The following ULK4 variants were observed in gnomAD, a reference collection of about 807,000 sequenced individuals.
The protein encoded by ULK4 is unc-51 like kinase 4, also known as inactive serine/threonine-protein kinase ULK4.
A neutral mutation model predicts 160.6 loss-of-function variants in ULK4; 133 were observed. The ratio of observed to expected loss-of-function variants is 0.83; its 90% confidence interval spans 0.72 to 0.96. The LOEUF (loss-of-function observed/expected upper bound fraction) is 0.96. Ranked by LOEUF, ULK4 falls within the 40% of genes least tolerant of loss-of-function variation. ULK4 has a pLI of 0.00. For synonymous variants in ULK4, 534 were observed against 539.8 expected (o/e 0.99, Z 0.15); for missense variants, 1,580 against 1,499.5 (o/e 1.05, Z -0.89).
chr3:41,503,247 C>T (rs1189677491), intron 32 of ULK4, among the ~76,000 whole-genome samples: 1 of 152,172 alleles, frequency 6.6e-6, no homozygotes, highest in Admixed American at 6.5e-5. Context: ...AGGCTTTTCT[C>T]GGCAAACCAA....
chr3:41,538,641 A>G (rs558225266), intron 32 of ULK4, among the ~76,000 whole-genome samples: 1 of 152,298 alleles, frequency 6.6e-6, no homozygotes, highest in Non-Finnish European at 1.5e-5. Context: ...AGAACTGCTC[A>G]TGGGGAGATG....
At chr3:41,532,215 T>G (rs181195731) in intron 32 of ULK4, among the ~76,000 whole-genome samples, 1 of 152,332 alleles carries the variant, frequency 6.6e-6, no homozygotes, top group African/African-American at 2.4e-5. Context: ...CTACAGGCTA[T>G]TCCACTGATA....
chr3:41,566,164 C>A (rs778462009), intron 31 of ULK4, 34 bp from the exon 32 acceptor site: 1 of 1,547,480 alleles, frequency 6.5e-7, no homozygotes, highest in South Asian at 1.1e-5. Context: ...CATAACCATA[C>A]AGAAATACAA....
chr3:41,431,131 C>T lies in ULK4; in HGVS notation c.3492+24366G>A, dbSNP rs59138923. ...TTGGGTGGCGGAGGCAGGCTGATCA[C>T]GAAGTCAAGGGATGAAGACTATTCT... On this transcript the variant is annotated intron_variant, in intron 34 of 36. Transcript: ENST00000301831. Among the ~76,000 whole-genome samples the T allele has an allele frequency of 6.0e-3, 907 of 152,216 alleles. 8 individuals are homozygous for T. The highest frequency in any genetic ancestry group is 0.021 in the African/African-American group (865 of 41,522).
At chr3:41,621,932 C>A (rs1396610162) in intron 30 of ULK4, among the ~76,000 whole-genome samples, 1 of 152,082 alleles carries the variant, frequency 6.6e-6, no homozygotes. Flanking sequence ...AAACAAACAA[C>A]CCCAACAGAA....
chr3:41,552,271 C>T (rs2087098922), intron 32 of ULK4, among the ~76,000 whole-genome samples: 1 of 151,878 alleles, frequency 6.6e-6, no homozygotes, highest in Non-Finnish European at 1.5e-5. Context: ...AGCAATCAAG[C>T]AAGAGAAAGA....
chr3:41,909,693 C>A (rs1001911791), intron 11 of ULK4, among the ~76,000 whole-genome samples: 4 of 151,520 alleles, frequency 2.6e-5, no homozygotes, highest in Admixed American at 6.6e-5. Context: ...CCAGCCTGGG[C>A]GACAGAGCAA....
At chr3:41,951,414 C>T (rs1043779815) in intron 2 of ULK4, among the ~76,000 whole-genome samples, 1 of 148,264 alleles carries the variant, frequency 6.7e-6, no homozygotes, top group Non-Finnish European at 1.5e-5. Context: ...AAAAAAAAAG[C>T]TGGAAAACAC....
chr3:41,425,950 C>T (rs574234882), intron 34 of ULK4, among the ~76,000 whole-genome samples: 50 of 152,154 alleles, frequency 3.3e-4, no homozygotes, highest in South Asian at 2.3e-3. Flanking sequence ...AAATGTAAAA[C>T]AGCATAAATG....
At chr3:41,574,353 C>T (rs376655622) in intron 31 of ULK4, among the ~76,000 whole-genome samples, 12 of 151,906 alleles carry the variant, frequency 7.9e-5, no homozygotes, top group African/African-American at 2.9e-4. Flanking sequence ...CTATTGTTCC[C>T]TCATCTAGTC....
chr3:41,788,055 A>G (rs904673196), intron 21 of ULK4, among the ~76,000 whole-genome samples: 1 of 152,212 alleles, frequency 6.6e-6, no homozygotes, highest in African/African-American at 2.4e-5. Flanking sequence ...AGAACATTTA[A>G]TGAGTGAAAA....
intron 34 of ULK4, among the ~76,000 whole-genome samples, chr3:41,406,156 A>G (rs1365763217): frequency 6.6e-6 from 1 of 152,184 alleles, no homozygotes; most frequent in Non-Finnish European, 1.5e-5. Context: ...ATGGCAAAAG[A>G]TAGTGGTCAA....
chr3:41,511,781 A>G (rs1395912303), intron 32 of ULK4, among the ~76,000 whole-genome samples: 1 of 152,184 alleles, frequency 6.6e-6, no homozygotes, highest in East Asian at 1.9e-4. Flanking sequence ...CCCCTAAATC[A>G]TTCTATAAAG....
At chr3:41,960,833 T>C (rs780714221) in intron 1 of ULK4, among the ~76,000 whole-genome samples, 9 of 152,042 alleles carry the variant, frequency 5.9e-5, no homozygotes, top group South Asian at 2.1e-4. Flanking sequence ...ACAGAATACA[T>C]AGTTTAATGA....
intron 5 of ULK4, among the ~76,000 whole-genome samples, chr3:41,926,929 A>G (rs1008012565): frequency 2.6e-5 from 4 of 152,206 alleles, no homozygotes; most frequent in Admixed American, 2.0e-4. Context: ...ACACTTCAGG[A>G]TATTATCCAG....
At chr3:41,468,482 T>C (rs554745528) in intron 32 of ULK4, among the ~76,000 whole-genome samples, 9 of 152,212 alleles carry the variant, frequency 5.9e-5, no homozygotes, top group South Asian at 4.2e-4. Context: ...GAATGTCTAG[T>C]TGGAGTCTAT....
At chr3:41,893,816 A>ATACAAAAC in intron 16 of ULK4, among the ~76,000 whole-genome samples, 1 of 152,288 alleles carries the variant, frequency 6.6e-6, no homozygotes, top group Non-Finnish European at 1.5e-5. Flanking sequence ...AATTTTTTAT[A>ATACAAAAC]TACAAAACAA....
chr3:41,433,838 G>A (rs370066918), intron 34 of ULK4, among the ~76,000 whole-genome samples: 3 of 152,190 alleles, frequency 2.0e-5, no homozygotes, highest in Non-Finnish European at 4.4e-5. Flanking sequence ...TCCTGCCTCA[G>A]CCTCCAGACT....
chr3:41,339,868 G>T (rs1575447264), intron 35 of ULK4, among the ~76,000 whole-genome samples: 1 of 152,160 alleles, frequency 6.6e-6, no homozygotes, highest in African/African-American at 2.4e-5. Context: ...AGTAGGGATG[G>T]TAATGTCTGA....
Sources: gnomAD v4.1 joint callset for allele counts (sites outside exome capture counted in the v4.1 genomes callset) on GRCh38, gnomAD v4.1.1 for gene constraint, MANE v1.5 for transcripts, NCBI Gene and HGNC (gene_info 2026-07-23, HGNC 2026-07-21) for gene names.